The following HHATL variants were observed in gnomAD, a reference collection of about 807,000 sequenced individuals.
The protein encoded by HHATL is hedgehog acyltransferase like.
HHATL carries 49 observed loss-of-function variants against 59.7 expected under a neutral mutation model. The observed-to-expected ratio is 0.82, with a 90% CI of 0.65 to 1.04. HHATL has a LOEUF of 1.04. Among genes scored for constraint, HHATL ranks in the 50% least tolerant of loss-of-function variants. The pLI, the probability that HHATL is intolerant of heterozygous loss-of-function variation, is 0.00. For synonymous variants in HHATL, 238 were observed against 257.3 expected (o/e 0.93, Z 0.72); for missense variants, 605 against 650.8 (o/e 0.93, Z 0.77).
At chr3:42,699,703 C>A in intron 3 of HHATL, 55 bp downstream of exon 3, 1 of 1,438,220 alleles carries the variant, frequency 7.0e-7, no homozygotes, top group East Asian at 2.5e-5. Context: ...TCTGGAACAG[C>A]AGAGAGCAGA....
At position 42,693,223 on chromosome 3, in the gene HHATL, C is replaced by T. The variant is rs759525991; in HGVS notation, c.1249-5G>A. 1.9e-6 allele frequency: 3 copies of T among 1,613,918 alleles called. No individual in the cohort carries two copies. The highest frequency in any genetic ancestry group is 2.5e-6 in the Non-Finnish European group (3 of 1,179,880). ...CATCTGCACTGACAGAGAGGCCTAT[C>T]CGGTCCAGGAAAGCATGGGCAGCGG... On this transcript the variant is annotated splice_polypyrimidine_tract_variant and splice_region_variant and intron_variant, in intron 10 of 11. Coordinates refer to ENST00000441594, the MANE Select transcript of HHATL (RefSeq NM_020707.4).
At chr3:42,697,181 T>C (rs1697663310) in intron 7 of HHATL, 36 bp from the exon 8 acceptor site, 1 of 1,508,730 alleles carries the variant, frequency 6.6e-7, no homozygotes, top group Admixed American at 2.3e-5. Flanking sequence ...TGGGGTCCAA[T>C]CGCCTGGGGC....
At position 42,698,870 on chromosome 3, in the gene HHATL, G is replaced by A. The variant is rs149574470; in HGVS notation, c.321C>T (p.Ala107=). The change falls in exon 5 of 12, where the codon GCC becomes GCT. Residue 107 remains alanine, a synonymous_variant. Transcript: ENST00000441594. The stretch of plus-strand genomic sequence containing the variant: ...GGCCCATTGTGCCCATCACAGCCAA[G>A]GCCCCGTACACAGCATACATCCAGG... The part of the protein sequence containing the change: ...LRSWMYAVYG[A]LAVMGTMGPW... 1.0e-4 allele frequency: 167 copies of A among 1,611,350 alleles called. No individual in the cohort carries two copies. In the African/African-American group the frequency reaches 1.9e-3, roughly 18 times the overall value.
chr3:42,700,080 C>CTGTGTG (rs138596367), intron 2 of HHATL, among the ~76,000 whole-genome samples: 7 of 129,182 alleles, frequency 5.4e-5, no homozygotes, highest in African/African-American at 1.8e-4. Context: ...GTCCAGGTCT[C>CTGTGTG]TGTGTGTGTG....
rs773580211 is a variant in HHATL at position 42,698,807 on chromosome 3, G to A, written c.384C>T (p.Gly128=). 1 of 1,613,880 alleles carries A rather than the reference G, an allele frequency of 6.2e-7. No homozygotes were observed. The highest frequency in any genetic ancestry group is 1.1e-5 in the South Asian group (1 of 91,060). ...GGCCCAAAAGCGAGGCCACATAGAGGCCCACACAGTGACCAAGCAGCAGCA... is the reference window on the plus strand; with the variant it reads ...GGCCCAAAAGCGAGGCCACATAGAGACCCACACAGTGACCAAGCAGCAGCA... ...YLLLLLGHCV[G]LYVASLLGQP... is the part of the protein sequence containing the mutation. The change falls in exon 5 of 12, where the codon GGC becomes GGT. Residue 128 remains glycine, a synonymous_variant. Transcript: ENST00000441594.
At chr3:42,696,063 T>G (rs1179097338) in intron 9 of HHATL, among the ~76,000 whole-genome samples, 1 of 152,134 alleles carries the variant, frequency 6.6e-6, no homozygotes, top group African/African-American at 2.4e-5. Flanking sequence ...GCTCCTGCCT[T>G]GCCCATGAAA....
Position 42,693,799 on chromosome 3 carries a change from C to T in HHATL, c.1066G>A (p.Gly356Ser), listed in dbSNP as rs756812666. 8 of 1,613,736 alleles carry T rather than the reference C, an allele frequency of 5.0e-6. No individual in the cohort carries two copies. Among genetic ancestry groups the T allele is most frequent in the Non-Finnish European group, 6.8e-6 (8 of 1,179,958 alleles). ...GGGATCACAGCGGAATGCTCCCCACCAATGTGGTTATACACATATCTGCAG... is the reference window on the plus strand; with the variant it reads ...GGGATCACAGCGGAATGCTCCCCACTAATGTGGTTATACACATATCTGCAG... ...WLCKYVYNHI[G>S]GEHSAVIPEL... The change falls in exon 10 of 12, where the codon GGT (glycine) becomes AGT (serine). Residue 356 changes from glycine (G) to serine (S), a missense_variant. Gly to Ser is a moderately conservative substitution (Grantham distance 56). Coordinates refer to ENST00000441594, the MANE Select transcript of HHATL (RefSeq NM_020707.4).
rs80118338 is a variant in HHATL at position 42,698,459 on chromosome 3, C to G, written c.484-108G>C. On this transcript the variant is annotated intron_variant, in intron 5 of 11. Coordinates refer to ENST00000441594, the MANE Select transcript of HHATL (RefSeq NM_020707.4). ...ACAGGGGCCCAGCCTGGTCCTGTCCCTTCCTCTCTTCCAGAGCCAGTTAAC... is the reference window on the plus strand; with the variant it reads ...ACAGGGGCCCAGCCTGGTCCTGTCCGTTCCTCTCTTCCAGAGCCAGTTAAC... 4,262 of 1,082,714 alleles carry G rather than the reference C, an allele frequency of 3.9e-3. 118 individuals carry two copies. In the African/African-American group the frequency reaches 0.056, roughly 14 times the overall value. 67.1% of individuals were successfully genotyped at this position (1,082,714 alleles called of 1,614,324 possible).
rs542446946 is a variant in HHATL, at chr3:42,693,336, G to A, written c.1249-118C>T. ...GTCTTGGGGCTATGTCTGGGTCTCG[G>A]AGAGCCCCAGGTCAGCTCTCCCTCC... On this transcript the variant is annotated intron_variant, in intron 10 of 11. Coordinates refer to ENST00000441594, the MANE Select transcript of HHATL (RefSeq NM_020707.4). The A allele has an allele frequency of 6.8e-5, 88 of 1,295,124 alleles. No individual in the cohort carries two copies. In the African/African-American group the frequency reaches 8.5e-4, roughly 13 times the overall value. The allele number at this position is 1,295,124 out of a possible 1,614,324, so 80.2% of individuals were successfully genotyped here.
At chr3:42,693,507 T>G in intron 10 of HHATL, 110 bp downstream of exon 10, 2 of 956,756 alleles carry the variant, frequency 2.1e-6, no homozygotes, top group Non-Finnish European at 3.2e-6. Flanking sequence ...AGGGTGGTGG[T>G]GAGAAAGTTC....
rs1275913683 is a variant in HHATL at position 42,692,859 on chromosome 3, C to T, written c.1407G>A (p.Thr469=). The T allele has an allele frequency of 5.0e-6, 8 of 1,614,076 alleles. No individual in the cohort carries two copies. In the Admixed American group the frequency reaches 5.0e-5, roughly 10 times the overall value. ...AGTAGGTGACAAACAGGATGGACAG[C>T]GTGGTCTGGGGGAACCCTGTGTGGG... ...RLLLTGFPQT[T]LSILFVTYCG... is the part of the protein sequence containing the mutation. The change falls in exon 12 of 12, where the codon ACG becomes ACA. Residue 469 remains threonine, a synonymous_variant. Transcript: ENST00000441594.
chr3:42,696,109 G>A (rs770407792), intron 9 of HHATL, among the ~76,000 whole-genome samples: 7 of 152,030 alleles, frequency 4.6e-5, no homozygotes, highest in Non-Finnish European at 8.8e-5. Flanking sequence ...ACTAATCCTC[G>A]GTCTCCAGCT....
chr3:42,694,564 C>G (rs765746320), intron 9 of HHATL, among the ~76,000 whole-genome samples: 3 of 152,206 alleles, frequency 2.0e-5, no homozygotes, highest in Non-Finnish European at 2.9e-5. Context: ...AACTCAGTCT[C>G]TTTACTCTGG....
In HHATL at chr3:42,699,122, C is replaced by T; in HGVS notation, c.198G>A (p.Val66=). 1 of 1,613,982 alleles carries T rather than the reference C, an allele frequency of 6.2e-7. No homozygotes were observed. The highest frequency in any genetic ancestry group is 8.5e-7 in the Non-Finnish European group (1 of 1,179,946). Residue 66 remains valine (V), a synonymous_variant, in exon 4 of 12, where the codon GTG becomes GTA. Coordinates refer to ENST00000441594, the MANE Select transcript of HHATL (RefSeq NM_020707.4). ...RKMDVADFEW[V]MWFTSFRNVI... is the part of the protein sequence containing the mutation. ...CGTTGCGAAAGGAGGTGAACCACAT[C>T]ACCCACTCGAAGTCAGCCACATCCT... is the stretch of plus-strand genomic sequence containing the variant.
chr3:42,701,750 C>T lies in HHATL; in HGVS notation c.-14+829G>A, dbSNP rs906481169. ...GCTAGCACCTTTACCCTTCCTATCC[C>T]GCTTCAGCCTGGCTCAGGGGCTTCC... is the stretch of plus-strand genomic sequence containing the variant. On this transcript the variant is annotated intron_variant, in intron 1 of 11. Coordinates refer to ENST00000441594, the MANE Select transcript of HHATL (RefSeq NM_020707.4). The surrounding 1 kb of genome is among the most constrained non-coding windows in gnomAD (Gnocchi z 5.1). Among the ~76,000 whole-genome samples the T allele has an allele frequency of 1.3e-5, 2 of 152,226 alleles. No individual in the cohort carries two copies. The highest frequency in any genetic ancestry group is 2.9e-5 in the Non-Finnish European group (2 of 68,042).
chr3:42,697,472 G>T (rs200789774), intron 7 of HHATL, 36 bp downstream of exon 7: 2 of 1,593,802 alleles, frequency 1.3e-6, no homozygotes, highest in African/African-American at 2.7e-5. Flanking sequence ...TTCCTGGGGC[G>T]GCAGCCCTGC....
rs913859313 is a variant in HHATL at position 42,693,622 on chromosome 3, T to C, written c.1243A>G (p.Ile415Val). 7.4e-6 allele frequency: 12 copies of C among 1,613,530 alleles called. 1 individual carries two copies. The highest frequency in any genetic ancestry group is 9.3e-6 in the Non-Finnish European group (11 of 1,179,768). ...CCCAGGTCTTCCCTGCTCACCTCAA[T>C]TCGTGCTAGGGGCCCCCACTCTGCC... The part of the protein sequence containing the change: ...KLAEWGPLAR[I>V]EASLSVQMSR... Residue 415 changes from isoleucine to valine, a missense_variant, in exon 10 of 12, where the codon ATT (isoleucine) becomes GTT (valine). By Grantham distance (29) the Ile-to-Val change is conservative. Transcript: ENST00000441594.
chr3:42,699,715 A>G lies in HHATL; in HGVS notation c.174+43T>C, dbSNP rs1278511251. On this transcript the variant is annotated intron_variant, in intron 3 of 11. Coordinates refer to ENST00000441594, the MANE Select transcript of HHATL (RefSeq NM_020707.4). ...ACATCTGGAACAGCAGAGAGCAGAG[A>G]AGGGTTCGGGATGGGAGGGACCCTG... 2.7e-6 allele frequency: 4 copies of G among 1,500,712 alleles called. No homozygotes were observed. The South Asian group carries it at 3.6e-5, about 14-fold the overall frequency. 93.0% of individuals were successfully genotyped at this position (1,500,712 alleles called of 1,614,324 possible). A position where few individuals can be genotyped will look rare whatever the true frequency, so the allele number is the denominator to read the frequency against.
chr3:42,699,901 C>T, intron 2 of HHATL, 76 bp from the exon 3 acceptor site: 1 of 1,284,644 alleles, frequency 7.8e-7, no homozygotes, highest in Non-Finnish European at 1.1e-6. Flanking sequence ...ACAAGGCTGC[C>T]CCACCCTGGG....
Sources: gnomAD v4.1 joint callset for allele counts (sites outside exome capture counted in the v4.1 genomes callset) on GRCh38, gnomAD v4.1.1 for gene constraint, Gnocchi (gnomAD v3.1) non-coding constraint, MANE v1.5 for transcripts, NCBI Gene and HGNC (gene_info 2026-07-23, HGNC 2026-07-21) for gene names.